The following GPC5 variants were observed in gnomAD, a reference collection of about 807,000 sequenced individuals.
The protein encoded by GPC5 is glypican 5.
In GPC5, 47 loss-of-function variants were observed where a neutral mutation model predicts 53.9. The ratio of observed to expected loss-of-function variants is 0.87; its 90% CI spans 0.69 to 1.11. The LOEUF (loss-of-function observed/expected upper bound fraction) is 1.11. GPC5 is among the 50% of genes most tolerant of loss of function. The probability of loss-of-function intolerance (pLI) is 0.00; values close to 1 mark genes in which losing one functional copy is unlikely to be tolerated. For synonymous variants in GPC5, 286 were observed against 263.3 expected (o/e 1.09, Z -0.84); for missense variants, 748 against 713.1 (o/e 1.05, Z -0.56).
intron 7 of GPC5, among the ~76,000 whole-genome samples, chr13:92,406,211 T>C (rs1165463801): frequency 6.6e-6 from 1 of 152,188 alleles, no homozygotes; most frequent in South Asian, 2.1e-4. Context: ...TTTTATTGTA[T>C]ATAATTAAGA....
At chr13:91,567,732 G>T (rs979483050) in intron 2 of GPC5, among the ~76,000 whole-genome samples, 7 of 152,178 alleles carry the variant, frequency 4.6e-5, no homozygotes, top group African/African-American at 1.4e-4. Context: ...TTCAGCAGGG[G>T]TAACTGCAGT....
At chr13:91,911,267 G>C (rs560115598) in intron 6 of GPC5, among the ~76,000 whole-genome samples, 66 of 152,240 alleles carry the variant, frequency 4.3e-4, no homozygotes, top group African/African-American at 1.4e-3. Flanking sequence ...AAGCTAGCTG[G>C]GTGCAGTGGC....
At chr13:92,506,783 A>G (rs2138944400) in intron 7 of GPC5, among the ~76,000 whole-genome samples, 1 of 152,306 alleles carries the variant, frequency 6.6e-6, no homozygotes, top group South Asian at 2.1e-4. Flanking sequence ...TAGGTTCAAG[A>G]GTATGCCTTA....
intron 2 of GPC5, among the ~76,000 whole-genome samples, chr13:91,602,462 T>A (rs1053912614): frequency 4.6e-5 from 7 of 152,244 alleles, no homozygotes; most frequent in Admixed American, 4.6e-4. Flanking sequence ...GAGGGTTCAT[T>A]TGTACACCCA....
intron 7 of GPC5, among the ~76,000 whole-genome samples, chr13:92,298,832 G>A (rs932553138): frequency 1.3e-5 from 2 of 152,228 alleles, no homozygotes; most frequent in South Asian, 2.1e-4. Context: ...CTGTAATCTC[G>A]TCCTGCCTCT....
chr13:92,378,887 G>A (rs1337845414), intron 7 of GPC5, among the ~76,000 whole-genome samples: 1 of 152,152 alleles, frequency 6.6e-6, no homozygotes, highest in Non-Finnish European at 1.5e-5. Context: ...GTTTTTACTT[G>A]ATGAAGGGCT....
intron 7 of GPC5, among the ~76,000 whole-genome samples, chr13:92,335,425 A>G (rs564479993): frequency 2.6e-5 from 4 of 152,178 alleles, no homozygotes; most frequent in African/African-American, 9.6e-5. Flanking sequence ...TTTCTTTCCT[A>G]GGACTATGGT....
At chr13:91,789,821 G>A (rs1337388532) in intron 5 of GPC5, among the ~76,000 whole-genome samples, 1 of 152,198 alleles carries the variant, frequency 6.6e-6, no homozygotes, top group African/African-American at 2.4e-5. Flanking sequence ...AGGCTGGGAA[G>A]TTTAAGCTTG....
At chr13:92,438,352 GAT>G (rs1423804195) in intron 7 of GPC5, among the ~76,000 whole-genome samples, 2 of 147,024 alleles carry the variant, frequency 1.4e-5, no homozygotes, top group African/African-American at 5.1e-5. Flanking sequence ...TTTTTAAGGT[GAT>G]AGAGTAGAAG....
intron 7 of GPC5, among the ~76,000 whole-genome samples, chr13:92,604,996 A>G (rs1177920480): frequency 2.0e-5 from 3 of 152,222 alleles, no homozygotes; most frequent in African/African-American, 7.2e-5. Flanking sequence ...GCAGTCACTG[A>G]ATGTCAACCA....
At chr13:92,082,113 C>T (rs2041300462) in intron 6 of GPC5, among the ~76,000 whole-genome samples, 1 of 152,004 alleles carries the variant, frequency 6.6e-6, no homozygotes, top group Non-Finnish European at 1.5e-5. Flanking sequence ...GCATTTCTCA[C>T]CTTAATTAAA....
At chr13:91,510,087 T>C (rs934682780) in intron 2 of GPC5, among the ~76,000 whole-genome samples, 1 of 152,180 alleles carries the variant, frequency 6.6e-6, no homozygotes, top group Non-Finnish European at 1.5e-5. Context: ...ATTTTTGTTT[T>C]ATCATGTTAA....
intron 7 of GPC5, among the ~76,000 whole-genome samples, chr13:92,605,045 G>A (rs1287835226): frequency 7.9e-5 from 12 of 152,176 alleles, no homozygotes; most frequent in Admixed American, 3.3e-4. Flanking sequence ...ACGAATTGCT[G>A]AATTATTGAA....
intron 7 of GPC5, among the ~76,000 whole-genome samples, chr13:92,272,642 G>C (rs942545224): frequency 6.6e-6 from 1 of 151,952 alleles, no homozygotes; most frequent in Non-Finnish European, 1.5e-5. Context: ...GTTCAACCCG[G>C]GCCTGGGACC....
chr13:91,572,942 A>C (rs1273054798), intron 2 of GPC5, among the ~76,000 whole-genome samples: 2 of 152,138 alleles, frequency 1.3e-5, no homozygotes, highest in East Asian at 3.8e-4. Flanking sequence ...AATTGTCCCA[A>C]ATCCATGGTC....
At chr13:92,748,528 G>C (rs1218927595) in intron 7 of GPC5, among the ~76,000 whole-genome samples, 3 of 151,554 alleles carry the variant, frequency 2.0e-5, no homozygotes, top group Non-Finnish European at 4.4e-5. Flanking sequence ...TCACCATCTT[G>C]GCCAGGCTGG....
At chr13:92,501,268 A>T (rs1001102471) in intron 7 of GPC5, among the ~76,000 whole-genome samples, 2 of 152,170 alleles carry the variant, frequency 1.3e-5, no homozygotes, top group Non-Finnish European at 2.9e-5. Context: ...CTCAGCAAAT[A>T]GGTGTAATAG....
chr13:92,220,186 T>G (rs79551919), intron 7 of GPC5, among the ~76,000 whole-genome samples: 7 of 152,272 alleles, frequency 4.6e-5, no homozygotes, highest in African/African-American at 1.7e-4. Context: ...TCCTTACTTA[T>G]TGAATAAATA....
At chr13:92,724,875 TACACACACACACACAC>T (rs58824655) in intron 7 of GPC5, among the ~76,000 whole-genome samples, 86 of 137,746 alleles carry the variant, frequency 6.2e-4, no homozygotes, top group African/African-American at 2.1e-3. Flanking sequence ...GTCCTACACA[TACACACACACACACAC>T]ACACACACAC....
Sources: gnomAD v4.1 joint callset for allele counts (sites outside exome capture counted in the v4.1 genomes callset) on GRCh38, gnomAD v4.1.1 for gene constraint, MANE v1.5 for transcripts, NCBI Gene and HGNC (gene_info 2026-07-23, HGNC 2026-07-21) for gene names.